The following PCDH19 variants were observed in gnomAD, a reference collection of about 807,000 sequenced individuals.
PCDH19 encodes protocadherin 19, also known as protocadherin-19.
A neutral mutation model predicts 46.2 loss-of-function variants in PCDH19; 6 were observed. The ratio of observed to expected loss-of-function variants is 0.13; its 90% CI spans 0.07 to 0.26. PCDH19 has a LOEUF of 0.26. PCDH19 is among the 10% of genes least tolerant of loss of function. The probability of loss-of-function intolerance (pLI) is 1.00; values close to 1 mark genes in which losing one functional copy is unlikely to be tolerated. For synonymous variants in PCDH19, 481 were observed against 415.7 expected (o/e 1.16, Z -1.91); for missense variants, 740 against 972.3 (o/e 0.76, Z 3.18).
chrX:100,332,068 C>G (rs149742039), intron 5 of PCDH19, among the ~76,000 whole-genome samples: 2 of 111,997 alleles, frequency 1.8e-5, no homozygotes, highest in East Asian at 5.6e-4. Context: ...ATACAGGGCA[C>G]TGAGCCATCT....
chrX:100,295,990 AAC>A lies in PCDH19; in HGVS notation c.*285_*286del, dbSNP rs1924586570. 6.9e-6 allele frequency: 2 copies of A among 288,932 alleles called. No individual in the cohort carries two copies. The highest frequency in any genetic ancestry group is 2.9e-4 in the South Asian group (2 of 6,946). The allele number at this position is 288,932 out of a possible 1,213,427, so 23.8% of individuals were successfully genotyped here. A position where few individuals can be genotyped will look rare whatever the true frequency, so the allele number is the denominator to read the frequency against. On this transcript the variant is annotated 3_prime_UTR_variant, in exon 6 of 6. Coordinates refer to ENST00000373034, the MANE Select transcript of PCDH19 (RefSeq NM_001184880.2). ...TGACATAGAAAAATATATAAATTCA[AAC>A]ACTTAATACATAATACTTTTCACAA...
At chrX:100,324,124 T>C (rs1386619652) in intron 5 of PCDH19, among the ~76,000 whole-genome samples, 1 of 111,798 alleles carries the variant, frequency 8.9e-6, no homozygotes, top group East Asian at 2.8e-4. Flanking sequence ...TGGAGACAGT[T>C]ATCAACTAGA....
chrX:100,401,930 T>A (rs1406211792), intron 3 of PCDH19, among the ~76,000 whole-genome samples: 1 of 111,743 alleles, frequency 8.9e-6, no homozygotes, highest in Non-Finnish European at 1.9e-5. Flanking sequence ...TAATGACAGT[T>A]TCAATCTCCT....
chrX:100,392,855 CT>C (rs1206884186), intron 3 of PCDH19, among the ~76,000 whole-genome samples: 4 of 111,574 alleles, frequency 3.6e-5, no homozygotes, highest in Middle Eastern at 4.2e-3. Flanking sequence ...AAAAAAGCCT[CT>C]TAAAGGTTAA....
At chrX:100,361,719 A>G (rs1046796071) in intron 3 of PCDH19, among the ~76,000 whole-genome samples, 1 of 111,807 alleles carries the variant, frequency 8.9e-6, no homozygotes, top group South Asian at 3.8e-4. Flanking sequence ...CTTGCCCTCT[A>G]CTACATAGAA....
At chrX:100,344,700 A>G (rs1926345686) in intron 4 of PCDH19, among the ~76,000 whole-genome samples, 1 of 98,694 alleles carries the variant, frequency 1.0e-5, no homozygotes, top group Non-Finnish European at 2.0e-5. Flanking sequence ...ATGGTGAGGG[A>G]TCTAGTATGG....
chrX:100,362,617 C>A (rs1467789341), intron 3 of PCDH19, among the ~76,000 whole-genome samples: 1 of 107,177 alleles, frequency 9.3e-6, no homozygotes, highest in Non-Finnish European at 1.9e-5. Context: ...TACGGTGAAA[C>A]CCCGTCTCTA....
rs369765909 is a variant in PCDH19 at position 100,350,297 on chromosome X, T to C, written c.2675+349A>G. On this transcript the variant is annotated intron_variant, in intron 4 of 5. Transcript: ENST00000373034. ...ACATTAGAAATATTAGAAATAATATTAGAAATTAGAAATATTAGAAATAGT... is the reference window on the plus strand; with the variant it reads ...ACATTAGAAATATTAGAAATAATATCAGAAATTAGAAATATTAGAAATAGT... 7.5e-4 allele frequency among the ~76,000 whole-genome samples: 84 copies of C among 111,866 alleles called. No homozygotes were observed. The East Asian group carries it at 0.016, about 21-fold the overall frequency.
chrX:100,355,077 A>G (rs1926672439), intron 3 of PCDH19, among the ~76,000 whole-genome samples: 1 of 111,751 alleles, frequency 8.9e-6, no homozygotes, highest in Non-Finnish European at 1.9e-5. Context: ...TATAACACTG[A>G]AAGCAGGTGT....
At chrX:100,337,792 G>C (rs1449828242) in intron 5 of PCDH19, among the ~76,000 whole-genome samples, 4 of 111,331 alleles carry the variant, frequency 3.6e-5, no homozygotes, top group African/African-American at 9.8e-5. Context: ...CTAAAAAAGA[G>C]GATCTTAAAA....
chrX:100,317,565 C>T (rs1277878559), intron 5 of PCDH19, among the ~76,000 whole-genome samples: 1 of 99,533 alleles, frequency 1.0e-5, no homozygotes, highest in African/African-American at 3.7e-5. Context: ...AACCATCCAC[C>T]TCAGAAAACA....
chrX:100,353,058 C>T (rs1926615277), intron 3 of PCDH19, among the ~76,000 whole-genome samples: 1 of 111,790 alleles, frequency 8.9e-6, no homozygotes, highest in African/African-American at 3.2e-5. Flanking sequence ...AGGAGAATTT[C>T]AGCTGCATTT....
chrX:100,317,930 C>T (rs912490589), intron 5 of PCDH19, among the ~76,000 whole-genome samples: 2 of 112,116 alleles, frequency 1.8e-5, no homozygotes, highest in Admixed American at 9.4e-5. Context: ...TGCAGAAAAG[C>T]AAAGGCAAAC....
At chrX:100,318,635 AG>A (rs1351364910) in intron 5 of PCDH19, among the ~76,000 whole-genome samples, 4 of 112,353 alleles carry the variant, frequency 3.6e-5, no homozygotes, top group African/African-American at 1.3e-4. Flanking sequence ...TCATTTTAAC[AG>A]GTCCCTTGAA....
At position 100,296,416 on chromosome X, in the gene PCDH19, T is replaced by C. The variant is rs754499060; in HGVS notation, c.3308A>G (p.Asn1103Ser). ...DLEQYVNNVN[N>S]GPTRPSEAEP... ...AGCTTCAGAGGGACGAGTAGGGCCA[T>C]TGTTGACATTGTTGACATACTGCTC... The change falls in exon 6 of 6, where the codon AAT (asparagine) becomes AGT (serine). Residue 1103 changes from asparagine (N) to serine (S), a missense_variant. Around this residue, in one of 5 missense-constraint regions of PCDH19, gnomAD observed 416 missense variants for 476.8 expected, o/e 0.87. Coordinates refer to ENST00000373034, the MANE Select transcript of PCDH19 (RefSeq NM_001184880.2). 26 of 1,210,027 alleles carry C rather than the reference T, an allele frequency of 2.1e-5. No homozygotes were observed. Among genetic ancestry groups the C allele is most frequent in the Middle Eastern group, 2.3e-4 (1 of 4,351 alleles).
rs181514880 is a variant in PCDH19 at position 100,353,890 on chromosome X, A to T, written c.2617-3186T>A. On this transcript the variant is annotated intron_variant, in intron 3 of 5. Transcript: ENST00000373034. The stretch of plus-strand genomic sequence containing the variant: ...CCTAATGCAATTAGTAGCGCTAGTC[A>T]ATGTGGCAGGTTCCTAGAACCGATT... 8.6e-4 allele frequency among the ~76,000 whole-genome samples: 96 copies of T among 111,713 alleles called. 1 individual carries two copies. Among genetic ancestry groups the T allele is most frequent in the Non-Finnish European group, 3.0e-4 (16 of 53,134 alleles).
At chrX:100,354,457 G>C (rs1926656592) in intron 3 of PCDH19, among the ~76,000 whole-genome samples, 1 of 111,595 alleles carries the variant, frequency 9.0e-6, no homozygotes, top group African/African-American at 3.3e-5. Flanking sequence ...CCAGGCACTG[G>C]GTGATTTTTT....
intron 5 of PCDH19, among the ~76,000 whole-genome samples, chrX:100,333,140 A>AGGAGGGAG (rs1925936312): frequency 2.3e-5 from 1 of 43,845 alleles, no homozygotes; most frequent in African/African-American, 6.9e-5. Context: ...GAAGGAAGGA[A>AGGAGGGAG]GGAAGGAAGG....
rs1040413042 is a variant in PCDH19 at position 100,408,436 on chromosome X, G to A, written c.162C>T (p.Asp54=). 2.5e-6 allele frequency: 3 copies of A among 1,203,004 alleles called. No individual in the cohort carries two copies. The highest frequency in any genetic ancestry group is 3.4e-6 in the Non-Finnish European group (3 of 893,481). ...KDAREAGFAL[D]PRQASAFRVV... is the part of the protein sequence containing the mutation. The stretch of plus-strand genomic sequence containing the variant: ...CGCGAAAGGCTGAAGCCTGCCGGGG[G>A]TCCAGCGCGAAGCCCGCCTCTCGCG... Residue 54 remains aspartate, a synonymous_variant, in exon 1 of 6, where the codon GAC becomes GAT. Transcript: ENST00000373034.
Sources: gnomAD v4.1 joint callset for allele counts (sites outside exome capture counted in the v4.1 genomes callset) on GRCh38, gnomAD v4.1.1 for gene constraint, gnomAD v4.1.1 regional missense constraint, MANE v1.5 for transcripts, NCBI Gene and HGNC (gene_info 2026-07-23, HGNC 2026-07-21) for gene names.